The following CIPC variants were observed in gnomAD, a reference collection of about 807,000 sequenced individuals.
CIPC encodes the protein CLOCK interacting pacemaker.
CIPC carries 12 observed loss-of-function variants against 26.7 expected under a neutral mutation model. That is an observed-to-expected ratio of 0.45 (90% CI 0.29 to 0.73). CIPC has a LOEUF of 0.73. Ranked by LOEUF, CIPC falls within the 30% of genes least tolerant of loss-of-function variation. The pLI is 0.12. For synonymous variants in CIPC, 170 were observed against 189.8 expected (o/e 0.90, Z 0.86); for missense variants, 417 against 486.5 (o/e 0.86, Z 1.34).
rs113899918 is a variant in CIPC at position 77,105,891 on chromosome 14, C to T, written c.136+47C>T. The T allele has an allele frequency of 1.8e-4, 283 of 1,603,314 alleles. 1 individual carries two copies. The African/African-American group carries it at 3.3e-3, about 19-fold the overall frequency. The stretch of plus-strand genomic sequence containing the variant: ...CTCTGTTTTGTGAGTGAATGCTTTG[C>T]GTGAAAAATTTCCTCCCCAAAACTC... On this transcript the variant is annotated intron_variant, in intron 2 of 3. Coordinates refer to ENST00000361786, the MANE Select transcript of CIPC (RefSeq NM_033426.3).
intron 1 of CIPC, 46 bp from the exon 2 acceptor site, chr14:77,105,611 T>C: frequency 7.5e-7 from 1 of 1,336,588 alleles, no homozygotes; most frequent in Non-Finnish European, 1.0e-6. Context: ...GGATCACCTG[T>C]TTCAGCTCTC....
At position 77,114,544 on chromosome 14, in the gene CIPC, C is replaced by A; in HGVS notation, c.*226C>A. 1 of 506,882 alleles carries A rather than the reference C, an allele frequency of 2.0e-6. No homozygotes were observed. Among genetic ancestry groups the A allele is most frequent in the Non-Finnish European group, 3.5e-6 (1 of 285,806 alleles). 31.4% of individuals were successfully genotyped at this position (506,882 alleles called of 1,614,324 possible). ...CTGAGGACCTCAGTTTGGGAGTGCC[C>A]TTGAGCCCCTTTTCCTTAGCCTGCA... On this transcript the variant is annotated 3_prime_UTR_variant, in exon 4 of 4. Transcript: ENST00000361786.
chr14:77,110,579 A>G (rs947491133), intron 3 of CIPC, among the ~76,000 whole-genome samples: 1 of 152,190 alleles, frequency 6.6e-6, no homozygotes, highest in Non-Finnish European at 1.5e-5. Flanking sequence ...TTACATAACT[A>G]TGTTTATTAT....
At chr14:77,110,484 G>A (rs1010522210) in intron 3 of CIPC, among the ~76,000 whole-genome samples, 1 of 152,150 alleles carries the variant, frequency 6.6e-6, no homozygotes, top group Non-Finnish European at 1.5e-5. Flanking sequence ...CATTAGTGAC[G>A]AAGCTGCTCC....
rs758591616 is a variant in CIPC, at chr14:77,114,135, G to A, written c.1017G>A (p.Leu339=). 1 of 1,614,088 alleles carries A rather than the reference G, an allele frequency of 6.2e-7. No homozygotes were observed. The highest frequency in any genetic ancestry group is 1.1e-5 in the South Asian group (1 of 91,068). The change falls in exon 4 of 4, where the codon TTG becomes TTA. Residue 339 remains leucine, a synonymous_variant. Transcript: ENST00000361786. ...AGATCACTTTGAAAACCAAGGAGTT[G>A]ATTCGTCAGAATCAGGCAACTCAGG... ...LLEITLKTKE[L]IRQNQATQVE...
chr14:77,105,764 G>A lies in CIPC; in HGVS notation c.56G>A (p.Gly19Asp), dbSNP rs778540808. Residue 19 changes from glycine (G) to aspartate (D), a missense_variant, in exon 2 of 4, where the codon GGC becomes GAC. By Grantham distance (94) the Gly-to-Asp change is moderately conservative. Coordinates refer to ENST00000361786, the MANE Select transcript of CIPC (RefSeq NM_033426.3). ...ESPRRLSAKV[G>D]KGTEMKKVAR... The stretch of plus-strand genomic sequence containing the variant: ...CCCAGAAGACTCTCTGCCAAAGTAG[G>A]CAAAGGCACAGAGATGAAGAAAGTG... 3 of 1,614,126 alleles carry A rather than the reference G, an allele frequency of 1.9e-6. No individual in the cohort carries two copies. In the South Asian group the frequency reaches 3.3e-5, roughly 18 times the overall value.
chr14:77,102,869 A>G (rs941704494), intron 1 of CIPC, among the ~76,000 whole-genome samples: 19 of 152,218 alleles, frequency 1.2e-4, no homozygotes, highest in African/African-American at 4.6e-4. Context: ...TAGGAAAATT[A>G]TACTATGCAC....
At chr14:77,104,461 G>A (rs1225527743) in intron 1 of CIPC, among the ~76,000 whole-genome samples, 2 of 152,204 alleles carry the variant, frequency 1.3e-5, no homozygotes, top group African/African-American at 4.8e-5. Context: ...GCTTCCCATT[G>A]CGTTTAAGTT....
chr14:77,115,500 T>C lies in CIPC; in HGVS notation c.*1182T>C, dbSNP rs1244198949. 6.6e-6 allele frequency: 1 copy of C among 152,200 alleles called. No individual in the cohort carries two copies. The highest frequency in any genetic ancestry group is 2.4e-5 in the African/African-American group (1 of 41,450). 9.4% of individuals were successfully genotyped at this position (152,200 alleles called of 1,614,324 possible). A position where few individuals can be genotyped will look rare whatever the true frequency, so the allele number is the denominator to read the frequency against. On this transcript the variant is annotated 3_prime_UTR_variant, in exon 4 of 4. Coordinates refer to ENST00000361786, the MANE Select transcript of CIPC (RefSeq NM_033426.3). ...TGTAATGTTGGTTATATGAAGTTCATCTCAAAATGGAGACCATGACCAGAG... is the reference window on the plus strand; with the variant it reads ...TGTAATGTTGGTTATATGAAGTTCACCTCAAAATGGAGACCATGACCAGAG...
intron 2 of CIPC, among the ~76,000 whole-genome samples, chr14:77,106,987 A>G (rs1033951276): frequency 2.0e-5 from 3 of 152,182 alleles, no homozygotes; most frequent in Non-Finnish European, 4.4e-5. Context: ...ATTTGTTAAA[A>G]ATATTGATCA....
At chr14:77,110,114 A>G in intron 3 of CIPC, 133 bp downstream of exon 3, 2 of 806,636 alleles carry the variant, frequency 2.5e-6, no homozygotes, top group South Asian at 4.0e-5. Flanking sequence ...ACCAATGTGT[A>G]CTTTCTGTCC....
At chr14:77,103,594 A>C (rs1277595264) in intron 1 of CIPC, among the ~76,000 whole-genome samples, 8 of 152,208 alleles carry the variant, frequency 5.3e-5, no homozygotes, top group Admixed American at 5.2e-4. Context: ...TTGGTGACTC[A>C]AATGGCCATG....
intron 1 of CIPC, among the ~76,000 whole-genome samples, chr14:77,102,346 G>A (rs1886507466): frequency 6.6e-6 from 1 of 152,200 alleles, no homozygotes; most frequent in South Asian, 2.1e-4. Flanking sequence ...CAGCCTGGGC[G>A]ACAGAGCAAG....
At chr14:77,106,158 C>A (rs557609490) in intron 2 of CIPC, 48 of 189,732 alleles carry the variant, frequency 2.5e-4, no homozygotes, top group Non-Finnish European at 4.5e-4. Flanking sequence ...TCCTTTTTCA[C>A]AGGAATTATT....
chr14:77,111,291 C>T (rs1035899617), intron 3 of CIPC, among the ~76,000 whole-genome samples: 1 of 152,162 alleles, frequency 6.6e-6, no homozygotes, highest in Non-Finnish European at 1.5e-5. Context: ...GCTTTTCCAG[C>T]AGAGCCACAT....
In CIPC at chr14:77,114,189, C is replaced by T; in HGVS notation, c.1071C>T (p.Thr357=). The change falls in exon 4 of 4, where the codon ACC becomes ACT. Residue 357 remains threonine (T), a synonymous_variant. Transcript: ENST00000361786. ...QVELDQLKEQ[T]QLFIEATKSR... ...AACTAGACCAGCTAAAGGAGCAAAC[C>T]CAGCTGTTTATAGAAGCCACCAAGA... is the stretch of plus-strand genomic sequence containing the variant. 1 of 1,614,136 alleles carries T rather than the reference C, an allele frequency of 6.2e-7. No individual in the cohort carries two copies. The highest frequency in any genetic ancestry group is 1.1e-5 in the South Asian group (1 of 91,080).
rs1886816661 is a variant in CIPC, at chr14:77,116,560, CCT to C, written c.*2243_*2244del. On this transcript the variant is annotated 3_prime_UTR_variant, in exon 4 of 4. Transcript: ENST00000361786. ...CTAGATTAAGGCTTGCATTTCCCTC[CCT>C]GTTTCAGTAAAAGATGATGAAAGCC... The C allele has an allele frequency of 1.3e-5, 2 of 152,202 alleles. No individual in the cohort carries two copies. Among genetic ancestry groups the C allele is most frequent in the African/African-American group, 4.8e-5 (2 of 41,450 alleles). The allele number at this position is 152,202 out of a possible 1,614,324, so 9.4% of individuals were successfully genotyped here. A position where few individuals can be genotyped will look rare whatever the true frequency, so the allele number is the denominator to read the frequency against.
At chr14:77,102,265 G>A (rs1247498077) in intron 1 of CIPC, among the ~76,000 whole-genome samples, 2 of 152,304 alleles carry the variant, frequency 1.3e-5, no homozygotes, top group East Asian at 3.9e-4. Flanking sequence ...TATCGGACAA[G>A]ACAGGTCAGA....
chr14:77,107,692 A>G lies in CIPC; in HGVS notation c.136+1848A>G, dbSNP rs533369809. Among the ~76,000 whole-genome samples the G allele has an allele frequency of 2.6e-5, 4 of 152,022 alleles. No homozygotes were observed. The South Asian group carries it at 6.2e-4, about 24-fold the overall frequency. ...CTGAATTATTTGAAAGTAAATTGCA[A>G]ACACTTGACATTTTACCCCATGTAG... On this transcript the variant is annotated intron_variant, in intron 2 of 3. Transcript: ENST00000361786.
Sources: allele counts gnomAD v4.1 joint callset (sites outside exome capture counted in the v4.1 genomes callset), GRCh38; gene constraint gnomAD v4.1.1; transcripts MANE v1.5; gene names NCBI Gene and HGNC (gene_info 2026-07-23, HGNC 2026-07-21).